Variants in ITGB5 observed in about 807,000 individuals in gnomAD.
ITGB5 encodes integrin beta-5.
A neutral mutation model predicts 84.8 loss-of-function variants in ITGB5; 38 were observed. That is an observed-to-expected ratio of 0.45 (90% CI 0.35 to 0.59). The LOEUF (loss-of-function observed/expected upper bound fraction) is 0.59, where lower values mean the gene tolerates loss of function less well. Ranked by LOEUF, ITGB5 falls within the 20% of genes least tolerant of loss-of-function variation. The pLI, the probability that ITGB5 is intolerant of heterozygous loss-of-function variation, is 0.01. For synonymous variants in ITGB5, 393 were observed against 414.4 expected, an observed-to-expected ratio of 0.95 and a Z score of 0.63; for missense variants, 905 against 1,034.5, an observed-to-expected ratio of 0.87 and a Z score of 1.72.
chr3:124,823,373 G>A (rs986679528), intron 5 of ITGB5, among the ~76,000 whole-genome samples: 6 of 151,966 alleles, frequency 3.9e-5, no homozygotes, highest in East Asian at 1.9e-4. Flanking sequence ...CATTCTAGGC[G>A]CTAACAGAAG....
At chr3:124,867,774 T>C (rs372631762) in intron 2 of ITGB5, among the ~76,000 whole-genome samples, 9 of 152,162 alleles carry the variant, frequency 5.9e-5, no homozygotes, top group African/African-American at 2.2e-4. Flanking sequence ...ACTGGCTAGG[T>C]TGTAAAATTT....
At chr3:124,782,091 A>G (rs1031577611) in intron 10 of ITGB5, among the ~76,000 whole-genome samples, 2 of 152,246 alleles carry the variant, frequency 1.3e-5, no homozygotes, top group African/African-American at 4.8e-5. Context: ...TCTTAATAAT[A>G]GTAAAACTTT....
intron 10 of ITGB5, among the ~76,000 whole-genome samples, chr3:124,777,925 C>G (rs1363488635): frequency 6.6e-6 from 1 of 152,206 alleles, no homozygotes. Context: ...GCCCCAGACC[C>G]TCCTACTGCC....
chr3:124,823,999 A>G (rs2064746294), intron 5 of ITGB5, among the ~76,000 whole-genome samples: 1 of 152,224 alleles, frequency 6.6e-6, no homozygotes, highest in Non-Finnish European at 1.5e-5. Context: ...TGGTGTTGAG[A>G]CGCCATCTCT....
chr3:124,819,911 C>A, intron 6 of ITGB5, 77 bp from the exon 7 acceptor site: 1 of 1,050,088 alleles, frequency 9.5e-7, no homozygotes, highest in South Asian at 1.3e-5. Context: ...AATGCACAGT[C>A]AGCAGCCAGC....
In ITGB5 at chr3:124,817,725, TA is replaced by T; in HGVS notation, c.1039-16del. 6.7e-7 allele frequency: 1 copy of T among 1,483,404 alleles called. No homozygotes were observed. The highest frequency in any genetic ancestry group is 9.4e-7 in the Non-Finnish European group (1 of 1,068,364). 91.9% of individuals were successfully genotyped at this position (1,483,404 alleles called of 1,614,324 possible). On this transcript the variant is annotated splice_polypyrimidine_tract_variant and intron_variant, in intron 7 of 14. Transcript: ENST00000296181. ...GCTGTAAAATTCTTGGGAAAAAAAG[TA>T]AAGAAAAGAAATAAGTTCATTTTGC...
chr3:124,813,603 C>T (rs75809221), intron 8 of ITGB5, among the ~76,000 whole-genome samples: 3,771 of 152,234 alleles, frequency 0.025, 180 homozygotes, highest in African/African-American at 0.086. Flanking sequence ...TTTACACTTA[C>T]CCACATATGA....
intron 1 of ITGB5, among the ~76,000 whole-genome samples, chr3:124,895,570 T>G (rs886550207): frequency 6.6e-6 from 1 of 152,206 alleles, no homozygotes; most frequent in Non-Finnish European, 1.5e-5. Flanking sequence ...AAAACAGTGC[T>G]TAGCTAGCAG....
At chr3:124,803,449 T>C (rs72972538) in intron 9 of ITGB5, among the ~76,000 whole-genome samples, 1,594 of 152,272 alleles carry the variant, frequency 0.01, 21 homozygotes, top group African/African-American at 0.036. Flanking sequence ...GCAGCAGTAA[T>C]GCCCCCACCA....
intron 2 of ITGB5, among the ~76,000 whole-genome samples, chr3:124,864,874 A>AG (rs562869976): frequency 3.9e-5 from 6 of 152,340 alleles, no homozygotes; most frequent in African/African-American, 1.4e-4. Context: ...GCAAGTTCCA[A>AG]GGGGAAGGGC....
intron 2 of ITGB5, among the ~76,000 whole-genome samples, chr3:124,866,984 T>C (rs2065400708): frequency 6.6e-6 from 1 of 152,242 alleles, no homozygotes; most frequent in Non-Finnish European, 1.5e-5. Context: ...AAAGAATCTA[T>C]AGTTTATGTG....
intron 8 of ITGB5, among the ~76,000 whole-genome samples, chr3:124,810,961 T>A (rs1299373059): frequency 6.6e-6 from 1 of 152,194 alleles, no homozygotes; most frequent in East Asian, 1.9e-4. Flanking sequence ...CATATAGTGC[T>A]AAAGTTGAAT....
At chr3:124,887,520 G>A (rs947860418), upstream of ITGB5, 4 of 184,976 alleles carry the variant, frequency 2.2e-5, no homozygotes, top group African/African-American at 7.2e-5. Context: ...GCTCCGGGCC[G>A]GGCCAGCTCC....
At chr3:124,855,097 G>C (rs2065205564) in intron 3 of ITGB5, among the ~76,000 whole-genome samples, 1 of 152,134 alleles carries the variant, frequency 6.6e-6, no homozygotes, top group African/African-American at 2.4e-5. Context: ...CAGATGACTT[G>C]AGCCCAGGAG....
intron 3 of ITGB5, among the ~76,000 whole-genome samples, chr3:124,858,273 G>A (rs983349327): frequency 6.6e-6 from 1 of 152,014 alleles, no homozygotes; most frequent in Non-Finnish European, 1.5e-5. Context: ...TCTAAGGCTT[G>A]CAGGGCCCCA....
chr3:124,887,032 C>A lies in ITGB5; in HGVS notation c.-32G>T. ...GCGCCTCCCTCAGCGGCGGCGCGGT[C>A]GCTGCACTCCGCGGGGGCCGGCGGC... On this transcript the variant is annotated 5_prime_UTR_variant, in exon 1 of 15. Transcript: ENST00000296181. The A allele has an allele frequency of 4.7e-6, 5 of 1,073,628 alleles. No homozygotes were observed. In the South Asian group the frequency reaches 2.2e-4, roughly 48 times the overall value. 66.5% of individuals were successfully genotyped at this position (1,073,628 alleles called of 1,614,324 possible).
At chr3:124,870,301 G>C (rs1335692158) in intron 2 of ITGB5, among the ~76,000 whole-genome samples, 1 of 152,202 alleles carries the variant, frequency 6.6e-6, no homozygotes, top group Non-Finnish European at 1.5e-5. Flanking sequence ...GAAGCACAGA[G>C]TACACGGAGA....
intron 8 of ITGB5, among the ~76,000 whole-genome samples, chr3:124,811,965 A>T (rs1206381511): frequency 6.6e-6 from 1 of 152,182 alleles, no homozygotes; most frequent in African/African-American, 2.4e-5. Context: ...CTGTCCACAG[A>T]TAAGGTAAAA....
At chr3:124,772,623 T>C (rs1414514894) in intron 11 of ITGB5, among the ~76,000 whole-genome samples, 1 of 152,186 alleles carries the variant, frequency 6.6e-6, no homozygotes, top group African/African-American at 2.4e-5. Flanking sequence ...TCCAGCAAAC[T>C]CCAAGAGCAA....
Sources: allele counts gnomAD v4.1 joint callset (sites outside exome capture counted in the v4.1 genomes callset), GRCh38; gene constraint gnomAD v4.1.1; transcripts MANE v1.5; gene names NCBI Gene and HGNC (gene_info 2026-07-23, HGNC 2026-07-21).